MACROD2: variants seen among roughly 807,000 people sequenced by gnomAD.
MACROD2 encodes ADP-ribose glycohydrolase MACROD2.
MACROD2 carries 36 observed loss-of-function variants against 70.4 expected under a neutral mutation model. That is an observed-to-expected ratio of 0.51 (90% CI 0.39 to 0.68). MACROD2 has a LOEUF of 0.68. Among genes scored for constraint, MACROD2 ranks in the 30% least tolerant of loss-of-function variants. The pLI, the probability that MACROD2 is intolerant of heterozygous loss-of-function variation, is 0.00. For missense variants in MACROD2, 496 were observed against 538.4 expected, an observed-to-expected ratio of 0.92 and a Z score of 0.78; for synonymous variants, 172 against 178.8, an observed-to-expected ratio of 0.96 and a Z score of 0.30.
chr20:14,830,258 G>A (rs1160915694), intron 5 of MACROD2, among the ~76,000 whole-genome samples: 1 of 152,074 alleles, frequency 6.6e-6, no homozygotes, highest in African/African-American at 2.4e-5. Context: ...AAGTCTCTCT[G>A]AGTGGTAATT....
At chr20:15,823,302 G>GTA (rs2063960187) in intron 8 of MACROD2, among the ~76,000 whole-genome samples, 1 of 145,512 alleles carries the variant, frequency 6.9e-6, no homozygotes, top group Admixed American at 6.9e-5. Flanking sequence ...GTGTGTGTGT[G>GTA]TGTGTGTGTG....
chr20:14,219,510 A>C (rs893099387), intron 3 of MACROD2, among the ~76,000 whole-genome samples: 1 of 151,900 alleles, frequency 6.6e-6, no homozygotes, highest in Non-Finnish European at 1.5e-5. Context: ...TTAATAACTA[A>C]CCTCCTGAAT....
intron 7 of MACROD2, among the ~76,000 whole-genome samples, chr20:15,479,824 C>T (rs1459869446): frequency 6.6e-6 from 1 of 152,154 alleles, no homozygotes; most frequent in Non-Finnish European, 1.5e-5. Flanking sequence ...ATGTTTGATG[C>T]TCTTGAATGG....
intron 4 of MACROD2, among the ~76,000 whole-genome samples, chr20:14,656,437 A>G (rs1297326368): frequency 6.6e-6 from 1 of 152,224 alleles, no homozygotes; most frequent in Non-Finnish European, 1.5e-5. Context: ...AATCCATGAC[A>G]CCATATAAAA....
intron 4 of MACROD2, among the ~76,000 whole-genome samples, chr20:14,619,424 A>G (rs1460817382): frequency 7.8e-5 from 7 of 90,184 alleles, no homozygotes; most frequent in African/African-American, 3.6e-4. Context: ...AAAGGAGGGA[A>G]GGAAGGAAGG....
At chr20:15,243,843 G>A (rs977853880) in intron 6 of MACROD2, among the ~76,000 whole-genome samples, 15 of 151,704 alleles carry the variant, frequency 9.9e-5, no homozygotes, top group Non-Finnish European at 1.8e-4. Flanking sequence ...GGAGAATGGC[G>A]TGAATCTGGG....
intron 2 of MACROD2, among the ~76,000 whole-genome samples, chr20:14,006,134 G>A (rs2052816174): frequency 6.6e-6 from 1 of 152,118 alleles, no homozygotes; most frequent in Non-Finnish European, 1.5e-5. Context: ...CATGCTGTAT[G>A]GGTTTTAGCC....
At chr20:14,149,847 T>G (rs1361276645) in intron 3 of MACROD2, among the ~76,000 whole-genome samples, 1 of 152,156 alleles carries the variant, frequency 6.6e-6, no homozygotes. Flanking sequence ...GTGTTTTTCT[T>G]AAGAGTATTG....
At chr20:15,934,786 C>CT (rs2147323764) in intron 11 of MACROD2, among the ~76,000 whole-genome samples, 1 of 152,196 alleles carries the variant, frequency 6.6e-6, no homozygotes, top group Admixed American at 6.5e-5. Flanking sequence ...CAACCTCTGC[C>CT]TCCTGTGTTC....
chr20:15,546,609 GA>G (rs2048029196), intron 8 of MACROD2, among the ~76,000 whole-genome samples: 2 of 152,172 alleles, frequency 1.3e-5, no homozygotes, highest in African/African-American at 4.8e-5. Context: ...TAGAGATATT[GA>G]AATGGACACT....
chr20:15,797,519 C>T (rs1260705576), intron 8 of MACROD2, among the ~76,000 whole-genome samples: 1 of 138,812 alleles, frequency 7.2e-6, no homozygotes, highest in African/African-American at 2.8e-5. Context: ...GGCTCATCAT[C>T]GGATGGTCAT....
intron 3 of MACROD2, among the ~76,000 whole-genome samples, chr20:14,310,275 C>A (rs904683056): frequency 6.6e-6 from 1 of 152,070 alleles, no homozygotes; most frequent in Admixed American, 6.6e-5. Flanking sequence ...CTTGAAGAAC[C>A]AGACCTCTTG....
intron 8 of MACROD2, among the ~76,000 whole-genome samples, chr20:15,739,857 G>C (rs575544387): frequency 6.6e-6 from 1 of 152,194 alleles, no homozygotes; most frequent in African/African-American, 2.4e-5. Flanking sequence ...GTCATCCACT[G>C]TTCTAACCTG....
intron 4 of MACROD2, among the ~76,000 whole-genome samples, chr20:14,620,118 T>A (rs1983745979): frequency 6.6e-6 from 1 of 152,162 alleles, no homozygotes; most frequent in African/African-American, 2.4e-5. Context: ...CTGGTTCTCT[T>A]CTTCTGCATA....
chr20:15,560,637 C>T (rs1285328174), intron 8 of MACROD2, among the ~76,000 whole-genome samples: 2 of 151,794 alleles, frequency 1.3e-5, no homozygotes, highest in East Asian at 1.9e-4. Flanking sequence ...GTGGTGTGTG[C>T]CTGTAATCCC....
At chr20:15,792,141 A>G (rs2063629750) in intron 8 of MACROD2, among the ~76,000 whole-genome samples, 2 of 152,092 alleles carry the variant, frequency 1.3e-5, no homozygotes, top group South Asian at 4.1e-4. Flanking sequence ...TTGGGAAAAG[A>G]GCTTTTTCAC....
At chr20:14,704,003 C>A (rs916559149) in intron 5 of MACROD2, among the ~76,000 whole-genome samples, 3 of 152,120 alleles carry the variant, frequency 2.0e-5, no homozygotes, top group African/African-American at 7.2e-5. Context: ...GCTGAGATTA[C>A]AGGTGTGAGC....
At chr20:15,651,787 T>C (rs2049648641) in intron 8 of MACROD2, among the ~76,000 whole-genome samples, 1 of 152,182 alleles carries the variant, frequency 6.6e-6, no homozygotes, top group East Asian at 1.9e-4. Flanking sequence ...ATGGGTCCCA[T>C]CTCGATCTCT....
chr20:14,303,167 A>G (rs2082490828), intron 3 of MACROD2, among the ~76,000 whole-genome samples: 1 of 152,094 alleles, frequency 6.6e-6, no homozygotes, highest in African/African-American at 2.4e-5. Flanking sequence ...TTATCTTTTC[A>G]ATTTTCTTGC....
Sources: gnomAD v4.1 joint callset for allele counts (sites outside exome capture counted in the v4.1 genomes callset) on GRCh38, gnomAD v4.1.1 for gene constraint, MANE v1.5 for transcripts, NCBI Gene and HGNC (gene_info 2026-07-23, HGNC 2026-07-21) for gene names.